The following FANCM variants were observed in gnomAD, a reference collection of about 807,000 sequenced individuals.
FANCM encodes FA complementation group M, also known as Fanconi anemia group M protein.
In FANCM, 140 loss-of-function variants were observed where a neutral mutation model predicts 199.5. The ratio of observed to expected loss-of-function variants is 0.70; its 90% CI spans 0.61 to 0.81. The LOEUF (loss-of-function observed/expected upper bound fraction) is 0.81. FANCM is among the 30% of genes least tolerant of loss of function. The pLI, the probability that FANCM is intolerant of heterozygous loss-of-function variation, is 0.00. For synonymous variants in FANCM, 840 were observed against 836.8 expected, an observed-to-expected ratio of 1.00 and a Z score of -0.07; for missense variants, 2,410 against 2,421.4, an observed-to-expected ratio of 1.00 and a Z score of 0.10.
At chr14:45,194,267 A>G (rs1402554139) in intron 20 of FANCM, among the ~76,000 whole-genome samples, 1 of 150,756 alleles carries the variant, frequency 6.6e-6, no homozygotes, top group Non-Finnish European at 1.5e-5. Context: ...GCACCATTGC[A>G]CTCCAGCCTG....
chr14:45,151,281 C>A, intron 4 of FANCM, 116 bp from the exon 5 acceptor site: 5 of 818,632 alleles, frequency 6.1e-6, no homozygotes, highest in South Asian at 3.3e-5. Context: ...CTTAAACATT[C>A]ATTGTAAGAC....
Position 45,199,852 on chromosome 14 carries a change from G to T in FANCM, c.6009-18G>T, listed in dbSNP as rs774599483. Reference sequence around the variant, plus strand: ...CCAAAAGTCCTAGTGTAATGATTTTGTCTCATTTATTTTTCAGCTCACTTC... The same window carrying T: ...CCAAAAGTCCTAGTGTAATGATTTTTTCTCATTTATTTTTCAGCTCACTTC... On this transcript the variant is annotated intron_variant, in intron 22 of 22. Transcript: ENST00000267430. The T allele has an allele frequency of 5.0e-6, 8 of 1,609,262 alleles. No homozygotes were observed. The highest frequency in any genetic ancestry group is 6.8e-6 in the Non-Finnish European group (8 of 1,176,704).
intron 9 of FANCM, among the ~76,000 whole-genome samples, chr14:45,159,694 C>T (rs1181112147): frequency 6.6e-6 from 1 of 152,022 alleles, no homozygotes; most frequent in Non-Finnish European, 1.5e-5. Context: ...TTATTCTAAA[C>T]AAATAATTAG....
chr14:45,160,004 T>G (rs1462570633), intron 9 of FANCM, among the ~76,000 whole-genome samples: 11 of 98,762 alleles, frequency 1.1e-4, no homozygotes, highest in African/African-American at 5.5e-4. Context: ...TTTTTTTTGT[T>G]TTTTTTTTTT....
chr14:45,147,145 G>A (rs1174268355), intron 3 of FANCM, among the ~76,000 whole-genome samples: 1 of 152,072 alleles, frequency 6.6e-6, no homozygotes, highest in Non-Finnish European at 1.5e-5. Context: ...GGTCACAAAT[G>A]TATTCTAGAT....
intron 3 of FANCM, among the ~76,000 whole-genome samples, chr14:45,141,421 C>T (rs1229899308): frequency 6.6e-6 from 1 of 151,002 alleles, no homozygotes; most frequent in African/African-American, 2.4e-5. Context: ...AGAACTACAA[C>T]ATTTCCTACA....
At chr14:45,171,729 G>T (rs1255369305) in intron 12 of FANCM, among the ~76,000 whole-genome samples, 2 of 151,484 alleles carry the variant, frequency 1.3e-5, no homozygotes, top group African/African-American at 4.8e-5. Flanking sequence ...GTGTGCATGT[G>T]TGTCACATTT....
chr14:45,175,539 T>C lies in FANCM; in HGVS notation c.2785T>C (p.Phe929Leu). Reference protein sequence around the residue: ...EPCVLLTECQFTNKSTSSLAG... With the variant: ...EPCVLLTECQLTNKSTSSLAG... The stretch of plus-strand genomic sequence containing the variant: ...GTGTGTGTTATTAACAGAGTGTCAG[T>C]TTACAAATAAATCCACTAGTTCACT... Residue 929 changes from phenylalanine to leucine, a missense_variant, in exon 14 of 23, where the codon TTT becomes CTT. Phe to Leu is a conservative substitution (Grantham distance 22). Coordinates refer to ENST00000267430, the MANE Select transcript of FANCM (RefSeq NM_020937.4). 1 of 1,613,014 alleles carries C rather than the reference T, an allele frequency of 6.2e-7. No individual in the cohort carries two copies. The highest frequency in any genetic ancestry group is 8.5e-7 in the Non-Finnish European group (1 of 1,179,180).
chr14:45,187,750 C>A, intron 18 of FANCM, 31 bp from the exon 19 acceptor site: 1 of 1,039,862 alleles, frequency 9.6e-7, no homozygotes, highest in Non-Finnish European at 1.5e-6. Flanking sequence ...AATAATTTTG[C>A]TAATTTATCT....
chr14:45,170,379 T>A (rs1888259311), intron 11 of FANCM, among the ~76,000 whole-genome samples: 1 of 151,974 alleles, frequency 6.6e-6, no homozygotes, highest in Non-Finnish European at 1.5e-5. Flanking sequence ...ATAAGAAAAG[T>A]AGATGGGCCT....
At chr14:45,150,560 G>A (rs1886745447) in intron 4 of FANCM, among the ~76,000 whole-genome samples, 1 of 152,062 alleles carries the variant, frequency 6.6e-6, no homozygotes, top group African/African-American at 2.4e-5. Flanking sequence ...GCTCATTTCC[G>A]CCTCAGGACT....
chr14:45,165,196 C>T (rs1045535496), intron 10 of FANCM, among the ~76,000 whole-genome samples: 2 of 152,072 alleles, frequency 1.3e-5, no homozygotes, highest in African/African-American at 2.4e-5. Context: ...TGTAACTTAT[C>T]GAGACTAGTT....
At position 45,176,746 on chromosome 14, in the gene FANCM, C is replaced by T. The variant is rs149348098; in HGVS notation, c.3992C>T (p.Pro1331Leu). Residue 1331 changes from proline (P) to leucine (L), a missense_variant, in exon 14 of 23, where the codon CCA becomes CTA. Coordinates refer to ENST00000267430, the MANE Select transcript of FANCM (RefSeq NM_020937.4). Reference protein sequence around the residue: ...LSPGYSQFSLPVQKKVMSTPL... With the variant: ...LSPGYSQFSLLVQKKVMSTPL... ...CCTGGTTATTCTCAGTTTTCTTTAC[C>T]AGTGCAAAAAAAAGTTATGAGTACA... 1.4e-4 allele frequency: 227 copies of T among 1,610,346 alleles called. 1 individual carries two copies. The highest frequency in any genetic ancestry group is 2.2e-4 in the Admixed American group (13 of 59,434).
At chr14:45,162,438 A>G (rs1245430988) in intron 9 of FANCM, among the ~76,000 whole-genome samples, 1 of 152,224 alleles carries the variant, frequency 6.6e-6, no homozygotes, top group Non-Finnish European at 1.5e-5. Context: ...TTGAACAATA[A>G]AAATGAATTA....
intron 3 of FANCM, among the ~76,000 whole-genome samples, chr14:45,147,160 A>C (rs1886456246): frequency 6.6e-6 from 1 of 152,124 alleles, no homozygotes; most frequent in African/African-American, 2.4e-5. Context: ...CTAGATTTTG[A>C]ATACGTATAG....
At chr14:45,145,951 T>C (rs1489479598) in intron 3 of FANCM, among the ~76,000 whole-genome samples, 2 of 140,784 alleles carry the variant, frequency 1.4e-5, no homozygotes, top group African/African-American at 5.4e-5. Context: ...CCCAGCTACT[T>C]GGGAGGCTGA....
chr14:45,189,067 A>G lies in FANCM; in HGVS notation c.5045A>G (p.Asp1682Gly). 4.3e-6 allele frequency: 7 copies of G among 1,614,186 alleles called. No homozygotes were observed. Among genetic ancestry groups the G allele is most frequent in the Non-Finnish European group, 5.9e-6 (7 of 1,179,982 alleles). ...DSSEEENNVN[D>G]KRESNIAVNP... ...AGTGAGGAGGAGAACAATGTAAATGATAAAAGAGAATCTAATATTGCGGTT... is the reference window on the plus strand; with the variant it reads ...AGTGAGGAGGAGAACAATGTAAATGGTAAAAGAGAATCTAATATTGCGGTT... Residue 1682 changes from aspartate (D) to glycine (G), a missense_variant, in exon 20 of 23, where the codon GAT becomes GGT. By Grantham distance (94) the Asp-to-Gly change is moderately conservative (BLOSUM62 -1). Coordinates refer to ENST00000267430, the MANE Select transcript of FANCM (RefSeq NM_020937.4).
Position 45,164,537 on chromosome 14 carries a change from T to C in FANCM, c.1760T>C (p.Ile587Thr), listed in dbSNP as rs147805461. The change falls in exon 10 of 23, where the codon ATT becomes ACT. Residue 587 changes from isoleucine (I) to threonine (T), a missense_variant. By Grantham distance (89) the Ile-to-Thr change is moderately conservative (BLOSUM62 -1). Transcript: ENST00000267430. ...CGTAAACGTCAAGGCAGGATAGTTA[T>C]TATCCTTTCTGAAGGACGAGAGGAA... ...TGRKRQGRIV[I>T]ILSEGREERI... is the part of the protein sequence containing the mutation. 187 of 1,613,046 alleles carry C rather than the reference T, an allele frequency of 1.2e-4. No individual in the cohort carries two copies. The highest frequency in any genetic ancestry group is 4.8e-4 in the Admixed American group (29 of 59,956).
chr14:45,152,352 A>G (rs1886887333), intron 5 of FANCM, among the ~76,000 whole-genome samples: 1 of 152,080 alleles, frequency 6.6e-6, no homozygotes, highest in African/African-American at 2.4e-5. Flanking sequence ...TTTAACTTTT[A>G]AGAAGAATTT....
Sources: allele counts gnomAD v4.1 joint callset (sites outside exome capture counted in the v4.1 genomes callset), GRCh38; gene constraint gnomAD v4.1.1; transcripts MANE v1.5; gene names NCBI Gene and HGNC (gene_info 2026-07-23, HGNC 2026-07-21).